PTPRN2: variants seen among roughly 807,000 people sequenced by gnomAD.
PTPRN2 encodes the protein receptor-type tyrosine-protein phosphatase N2.
Under a neutral mutation model 118.8 loss-of-function variants are expected in PTPRN2, and 74 were observed. The ratio of observed to expected loss-of-function variants is 0.62; its 90% CI spans 0.52 to 0.76. PTPRN2 has a LOEUF of 0.76. Ranked by LOEUF, PTPRN2 falls within the 30% of genes least tolerant of loss-of-function variation. The pLI is 0.00. For synonymous variants in PTPRN2, 641 were observed against 608.0 expected, an observed-to-expected ratio of 1.05 and a Z score of -0.80; for missense variants, 1,481 against 1,394.4, an observed-to-expected ratio of 1.06 and a Z score of -0.99.
At chr7:158,139,492 C>CGG (rs77341339) in intron 6 of PTPRN2, among the ~76,000 whole-genome samples, 2 of 151,142 alleles carry the variant, frequency 1.3e-5, no homozygotes, top group Admixed American at 6.6e-5. Context: ...CAGGAGGGCA[C>CGG]GGGGGGGTGG....
rs111356819 is a variant in PTPRN2 at position 158,252,873 on chromosome 7, G to A, written c.278-47600C>T. On this transcript the variant is annotated intron_variant, in intron 3 of 22. Coordinates refer to ENST00000389418, the MANE Select transcript of PTPRN2 (RefSeq NM_002847.5). ...CGATTGATGGGGAGATTAACATGCCGGAAAACGACCCCATATCACAAAGCA... is the reference window on the plus strand; with the variant it reads ...CGATTGATGGGGAGATTAACATGCCAGAAAACGACCCCATATCACAAAGCA... Among the ~76,000 whole-genome samples the A allele has an allele frequency of 2.2e-4, 34 of 151,560 alleles. 1 individual carries two copies. The highest frequency in any genetic ancestry group is 6.8e-4 in the African/African-American group (28 of 41,266).
chr7:158,201,174 T>G (rs1374803306), intron 4 of PTPRN2, among the ~76,000 whole-genome samples: 1 of 151,924 alleles, frequency 6.6e-6, no homozygotes, highest in Non-Finnish European at 1.5e-5. Flanking sequence ...CTCAGCCTCC[T>G]GAGTAGCCAG....
chr7:157,568,480 T>G (rs1053307663), intron 21 of PTPRN2, among the ~76,000 whole-genome samples: 1 of 152,086 alleles, frequency 6.6e-6, no homozygotes, highest in African/African-American at 2.4e-5. Context: ...AATACCGTTT[T>G]GACAACAGTG....
chr7:157,620,482 A>G (rs1287311551), intron 15 of PTPRN2, among the ~76,000 whole-genome samples: 2 of 152,256 alleles, frequency 1.3e-5, no homozygotes, highest in Non-Finnish European at 2.9e-5. Context: ...CTGTAAAAGC[A>G]ACCACTGTTG....
rs1165733412 is a variant in PTPRN2, at chr7:157,598,136, C to T, written c.2419-2821G>A. ...ATCAAGTGAGTTTCTACTAACATTG[C>T]TTTTTCCAATGAGGGCATCTGCGTG... On this transcript the variant is annotated intron_variant, in intron 16 of 22. Transcript: ENST00000389418. This position sits in a 1 kb window ranked among gnomAD's most constrained non-coding sequence, Gnocchi z 5.2. 6.6e-6 allele frequency among the ~76,000 whole-genome samples: 1 copy of T among 152,160 alleles called. No individual in the cohort carries two copies. The highest frequency in any genetic ancestry group is 1.5e-5 in the Non-Finnish European group (1 of 68,032).
At chr7:158,505,544 C>A (rs1822680179) in intron 1 of PTPRN2, among the ~76,000 whole-genome samples, 1 of 152,162 alleles carries the variant, frequency 6.6e-6, no homozygotes, top group Admixed American at 6.5e-5. Flanking sequence ...GGTTAAATAA[C>A]AATAGTTTTA....
chr7:158,026,702 C>A (rs938417623), intron 11 of PTPRN2, among the ~76,000 whole-genome samples: 1 of 152,204 alleles, frequency 6.6e-6, no homozygotes, highest in African/African-American at 2.4e-5. Flanking sequence ...AAGCTGCCCC[C>A]TGAGCCCCAC....
chr7:158,422,739 C>T (rs984159665), intron 2 of PTPRN2, among the ~76,000 whole-genome samples: 29 of 151,576 alleles, frequency 1.9e-4, no homozygotes, highest in African/African-American at 4.4e-4. Context: ...CTGACACTGC[C>T]GGCTTCTGGG....
chr7:157,964,156 A>G lies in PTPRN2; in HGVS notation c.1724-65419T>C, dbSNP rs1252305905. ...GGACCCCCGTTCCCACTGGCACACC[A>G]TGGGGACAGCTGGGTGGGGTAGTGT... On this transcript the variant is annotated intron_variant, in intron 11 of 22. Transcript: ENST00000389418. The surrounding 1 kb of genome is among the most constrained non-coding windows in gnomAD (Gnocchi z 9.0). 6.6e-6 allele frequency among the ~76,000 whole-genome samples: 1 copy of G among 152,112 alleles called. No homozygotes were observed. The highest frequency in any genetic ancestry group is 2.4e-5 in the African/African-American group (1 of 41,430).
chr7:158,409,905 G>A (rs1185968385), intron 2 of PTPRN2, among the ~76,000 whole-genome samples: 1 of 152,220 alleles, frequency 6.6e-6, no homozygotes, highest in Non-Finnish European at 1.5e-5. Context: ...TAAAGCTAGT[G>A]TTTTTTTGAG....
intron 12 of PTPRN2, among the ~76,000 whole-genome samples, chr7:157,716,156 A>G (rs1416841240): frequency 1.3e-5 from 2 of 152,014 alleles, no homozygotes; most frequent in African/African-American, 4.9e-5. Flanking sequence ...CACTGTGGGC[A>G]TCGCCTTGGG....
intron 3 of PTPRN2, among the ~76,000 whole-genome samples, chr7:158,311,131 C>T (rs528938095): frequency 6.6e-6 from 1 of 152,026 alleles, no homozygotes; most frequent in East Asian, 1.9e-4. Flanking sequence ...GAGGCAGAAC[C>T]CGGCTCCCCT....
chr7:158,002,830 C>T (rs1029462566), intron 11 of PTPRN2, among the ~76,000 whole-genome samples: 3 of 152,236 alleles, frequency 2.0e-5, no homozygotes, highest in Admixed American at 1.3e-4. Context: ...GGCTCTTCAA[C>T]AAGCCCCGTG....
In PTPRN2 at chr7:158,433,268, T is replaced by C. The variant is rs1816352740; in HGVS notation, c.163+56467A>G. 2.6e-5 allele frequency among the ~76,000 whole-genome samples: 4 copies of C among 152,336 alleles called. No homozygotes were observed. The South Asian group carries it at 8.3e-4, about 32-fold the overall frequency. ...CTGCTGGGAACATTCTTAGGCCTTT[T>C]TGTATATTTAAGGATGCATTTCTAT... On this transcript the variant is annotated intron_variant, in intron 2 of 22. Coordinates refer to ENST00000389418, the MANE Select transcript of PTPRN2 (RefSeq NM_002847.5).
Position 158,022,482 on chromosome 7 carries a change from T to C in PTPRN2, c.1723+58816A>G, listed in dbSNP as rs1047834971. 2.7e-5 allele frequency among the ~76,000 whole-genome samples: 4 copies of C among 148,658 alleles called. No individual in the cohort carries two copies. The highest frequency in any genetic ancestry group is 1.5e-5 in the Non-Finnish European group (1 of 67,348). ...CTGGGCACTCTGGGGCAGCCCGTAA[T>C]GTGTTCATAGCCAAGGCCCCGGCAC... On this transcript the variant is annotated intron_variant, in intron 11 of 22. Coordinates refer to ENST00000389418, the MANE Select transcript of PTPRN2 (RefSeq NM_002847.5). The surrounding 1 kb of genome is among the most constrained non-coding windows in gnomAD (Gnocchi z 4.6).
intron 5 of PTPRN2, among the ~76,000 whole-genome samples, chr7:158,178,382 A>G (rs1824401923): frequency 6.6e-6 from 1 of 151,952 alleles, no homozygotes; most frequent in Admixed American, 6.6e-5. Context: ...TCCAAAGTCC[A>G]TTAGATCACT....
At chr7:158,089,697 G>GA (rs1563419898) in intron 10 of PTPRN2, among the ~76,000 whole-genome samples, 2 of 145,480 alleles carry the variant, frequency 1.4e-5, no homozygotes, top group Admixed American at 6.7e-5. Context: ...ATGAAAGAGG[G>GA]GGTCTTCACA....
At chr7:158,247,737 C>T (rs961706551) in intron 3 of PTPRN2, among the ~76,000 whole-genome samples, 16 of 152,212 alleles carry the variant, frequency 1.1e-4, no homozygotes, top group African/African-American at 3.9e-4. Context: ...CTGCCTCAGC[C>T]TCCTGAGTAG....
chr7:158,369,868 G>C (rs968243402), intron 2 of PTPRN2, among the ~76,000 whole-genome samples: 30 of 152,172 alleles, frequency 2.0e-4, no homozygotes, highest in African/African-American at 7.2e-4. Context: ...ACCATAAAAA[G>C]CAAGATAACA....
Sources: allele counts gnomAD v4.1 joint callset (sites outside exome capture counted in the v4.1 genomes callset), GRCh38; gene constraint gnomAD v4.1.1; non-coding constraint Gnocchi (gnomAD v3.1); transcripts MANE v1.5; gene names NCBI Gene and HGNC (gene_info 2026-07-23, HGNC 2026-07-21).